Variants in DLGAP2 observed in about 807,000 individuals in gnomAD.
DLGAP2 encodes the protein disks large-associated protein 2.
A neutral mutation model predicts 100.3 loss-of-function variants in DLGAP2; 26 were observed. The ratio of observed to expected loss-of-function variants is 0.26; its 90% confidence interval spans 0.19 to 0.36. DLGAP2 has a LOEUF of 0.36. Ranked by LOEUF, DLGAP2 falls within the 10% of genes least tolerant of loss-of-function variation. The probability of loss-of-function intolerance (pLI) is 1.00; values close to 1 mark genes in which losing one functional copy is unlikely to be tolerated. For synonymous variants in DLGAP2, 886 were observed against 630.1 expected (o/e 1.41, Z -6.08); for missense variants, 1,858 against 1,453.2 (o/e 1.28, Z -4.53).
At chr8:907,204 A>C (rs552050482) in intron 1 of DLGAP2, among the ~76,000 whole-genome samples, 1 of 152,234 alleles carries the variant, frequency 6.6e-6, no homozygotes, top group Non-Finnish European at 1.5e-5. Context: ...AATGGCTGCA[A>C]GTTCATCGTG....
Position 1,344,174 on chromosome 8 carries a change from G to T in DLGAP2, c.106+85291G>T, listed in dbSNP as rs796910748. Among the ~76,000 whole-genome samples, 634 of 113,162 alleles carry T rather than the reference G, an allele frequency of 5.6e-3. 4 individuals are homozygous for T. The highest frequency in any genetic ancestry group is 0.014 in the East Asian group (45 of 3,282). The allele number at this position is 113,162 out of a possible 152,430, so 74.2% of individuals were successfully genotyped here. On this transcript the variant is annotated intron_variant, in intron 3 of 14. Coordinates refer to ENST00000637795, the MANE Select transcript of DLGAP2 (RefSeq NM_001346810.2). ...CCTGTCGTGGGTCTTTGTACTCGGG[G>T]CGCTGTCGTGGGTCCGTGTACTCGG... is the stretch of plus-strand genomic sequence containing the variant.
At chr8:1,007,372 G>T (rs1401335595) in intron 2 of DLGAP2, among the ~76,000 whole-genome samples, 1 of 152,202 alleles carries the variant, frequency 6.6e-6, no homozygotes, top group East Asian at 1.9e-4. Flanking sequence ...GTAACCAAGG[G>T]GGAGTGAAGC....
chr8:1,664,674 G>T (rs2472106), intron 8 of DLGAP2, among the ~76,000 whole-genome samples: 3 of 152,218 alleles, frequency 2.0e-5, no homozygotes, highest in African/African-American at 7.2e-5. Flanking sequence ...TGGACATTCA[G>T]TTCGACCTGG....
chr8:920,334 C>G (rs1187664815), intron 2 of DLGAP2, among the ~76,000 whole-genome samples: 3 of 152,338 alleles, frequency 2.0e-5, no homozygotes, highest in African/African-American at 7.2e-5. Flanking sequence ...ACAGGAAGCC[C>G]CTGTTATCAG....
At chr8:979,368 G>T (rs1800264419) in intron 2 of DLGAP2, among the ~76,000 whole-genome samples, 2 of 152,198 alleles carry the variant, frequency 1.3e-5, no homozygotes, top group African/African-American at 4.8e-5. Flanking sequence ...AAATTGAGTA[G>T]TTGAACCTAA....
chr8:1,443,547 G>C (rs558695660), intron 3 of DLGAP2, among the ~76,000 whole-genome samples: 49 of 152,320 alleles, frequency 3.2e-4, no homozygotes, highest in African/African-American at 9.9e-4. Flanking sequence ...ACAAACCTGA[G>C]ACTGGGTAAT....
At chr8:745,549 T>G (rs148747247) in intron 1 of DLGAP2, among the ~76,000 whole-genome samples, 69 of 152,342 alleles carry the variant, frequency 4.5e-4, no homozygotes, top group African/African-American at 1.7e-3. Flanking sequence ...AAACTCTTCT[T>G]TACATGTAAC....
chr8:1,560,972 G>A (rs551003210), intron 5 of DLGAP2, among the ~76,000 whole-genome samples: 14 of 152,232 alleles, frequency 9.2e-5, no homozygotes, highest in African/African-American at 2.2e-4. Context: ...TGTCCCCACC[G>A]AAATCTCGTT....
intron 3 of DLGAP2, among the ~76,000 whole-genome samples, chr8:1,374,356 G>C (rs898909270): frequency 6.6e-6 from 1 of 152,176 alleles, no homozygotes; most frequent in Non-Finnish European, 1.5e-5. Flanking sequence ...TGTTCGGCAC[G>C]GGTCCAGTGA....
chr8:1,449,175 C>T (rs899137836), intron 3 of DLGAP2, among the ~76,000 whole-genome samples: 2 of 152,186 alleles, frequency 1.3e-5, no homozygotes, highest in East Asian at 1.9e-4. Flanking sequence ...TATATGATCA[C>T]GCTGACCACA....
At chr8:1,695,433 C>T (rs1398199790) in intron 13 of DLGAP2, among the ~76,000 whole-genome samples, 1 of 143,872 alleles carries the variant, frequency 7.0e-6, no homozygotes, top group Non-Finnish European at 1.5e-5. Flanking sequence ...ACAGCCATGT[C>T]CGGCCCTACA....
At chr8:879,169 T>A (rs1490643643) in intron 1 of DLGAP2, among the ~76,000 whole-genome samples, 2 of 152,222 alleles carry the variant, frequency 1.3e-5, no homozygotes, top group Non-Finnish European at 2.9e-5. Flanking sequence ...ATGTGTCAGT[T>A]TGGGTTGGAC....
At chr8:978,812 T>C (rs1251837170) in intron 2 of DLGAP2, among the ~76,000 whole-genome samples, 2 of 152,204 alleles carry the variant, frequency 1.3e-5, no homozygotes, top group African/African-American at 4.8e-5. Flanking sequence ...GCTTACCTTT[T>C]GATAAGCTTG....
chr8:1,390,412 A>T (rs531331176), intron 3 of DLGAP2, among the ~76,000 whole-genome samples: 7 of 151,934 alleles, frequency 4.6e-5, no homozygotes, highest in Non-Finnish European at 1.0e-4. Flanking sequence ...AGTTTTTTGT[A>T]TGCATAAAAT....
At chr8:846,980 A>G (rs986354958) in intron 1 of DLGAP2, among the ~76,000 whole-genome samples, 33 of 152,316 alleles carry the variant, frequency 2.2e-4, no homozygotes, top group African/African-American at 7.9e-4. Context: ...GTTTACTACT[A>G]AGCTTATATA....
intron 3 of DLGAP2, among the ~76,000 whole-genome samples, chr8:1,391,122 G>A (rs997101547): frequency 6.6e-6 from 1 of 152,226 alleles, no homozygotes; most frequent in Non-Finnish European, 1.5e-5. Context: ...AAGAAGCTTT[G>A]GAGGCAGAAA....
intron 2 of DLGAP2, among the ~76,000 whole-genome samples, chr8:1,083,919 C>T (rs565211661): frequency 2.0e-5 from 3 of 152,250 alleles, no homozygotes; most frequent in Admixed American, 2.0e-4. Flanking sequence ...TAGCAAAATG[C>T]AAAATCATAA....
chr8:748,240 G>T (rs995870428), intron 1 of DLGAP2, among the ~76,000 whole-genome samples: 1 of 149,186 alleles, frequency 6.7e-6, no homozygotes, highest in East Asian at 2.0e-4. Flanking sequence ...TGGGATGGGC[G>T]GGTCTGCGGT....
At chr8:1,529,455 G>C (rs1800911553) in intron 4 of DLGAP2, among the ~76,000 whole-genome samples, 2 of 152,158 alleles carry the variant, frequency 1.3e-5, no homozygotes, top group Admixed American at 1.3e-4. Context: ...CAACAAGATG[G>C]ACCGAAGACT....
Sources: allele counts gnomAD v4.1 joint callset (sites outside exome capture counted in the v4.1 genomes callset), GRCh38; gene constraint gnomAD v4.1.1; transcripts MANE v1.5; gene names NCBI Gene and HGNC (gene_info 2026-07-23, HGNC 2026-07-21).